The following SCN2A variants were observed in gnomAD, a reference collection of about 807,000 sequenced individuals.
The protein encoded by SCN2A is sodium channel protein type 2 subunit alpha.
A neutral mutation model predicts 188.7 loss-of-function variants in SCN2A; 20 were observed. That is an observed-to-expected ratio of 0.11 (90% CI 0.07 to 0.15). The LOEUF (loss-of-function observed/expected upper bound fraction) is 0.15, where lower values mean the gene tolerates loss of function less well. SCN2A is among the 10% of genes least tolerant of loss of function. SCN2A has a pLI of 1.00. For missense variants in SCN2A, 1,278 were observed against 2,445.0 expected (o/e 0.52, Z 10.07); for synonymous variants, 804 against 833.1 (o/e 0.97, Z 0.60).
chr2:165,324,629 T>C (rs995108622), intron 12 of SCN2A, among the ~76,000 whole-genome samples: 3 of 152,080 alleles, frequency 2.0e-5, no homozygotes, highest in Non-Finnish European at 4.4e-5. Flanking sequence ...TAGATAACCA[T>C]GTACCAGACA....
intron 11 of SCN2A, among the ~76,000 whole-genome samples, chr2:165,317,527 A>G (rs1007684508): frequency 6.6e-6 from 1 of 152,154 alleles, no homozygotes. Context: ...TTGAAACTTC[A>G]TATCAACTTC....
chr2:165,246,718 T>C (rs768751962), intron 1 of SCN2A, among the ~76,000 whole-genome samples: 14 of 152,160 alleles, frequency 9.2e-5, no homozygotes, highest in Non-Finnish European at 1.9e-4. Flanking sequence ...CATCCTCATA[T>C]TCAGTTCCCA....
intron 25 of SCN2A, among the ~76,000 whole-genome samples, chr2:165,383,030 A>G (rs1701685435): frequency 6.6e-6 from 1 of 152,170 alleles, no homozygotes; most frequent in African/African-American, 2.4e-5. Context: ...GAATATTATC[A>G]GTGTCAATTT....
At chr2:165,309,100 T>TA in intron 5 of SCN2A, 9 of 1,551,528 alleles carry the variant, frequency 5.8e-6, no homozygotes, top group Non-Finnish European at 8.0e-6. Context: ...AAAAAGGTCT[T>TA]GATGAAAGAC....
At chr2:165,321,473 T>C (rs1698073201) in intron 11 of SCN2A, among the ~76,000 whole-genome samples, 1 of 152,186 alleles carries the variant, frequency 6.6e-6, no homozygotes, top group Admixed American at 6.5e-5. Flanking sequence ...TATTAATCTG[T>C]TTTCATGCTG....
In SCN2A at chr2:165,291,599, CTT is replaced by C. The variant is rs869136083; in HGVS notation, c.-51-4172_-51-4171del. Among the ~76,000 whole-genome samples, 300 of 90,566 alleles carry C rather than the reference CTT, an allele frequency of 3.3e-3. 6 individuals carry two copies. Among genetic ancestry groups the C allele is most frequent in the Non-Finnish European group, 3.0e-3 (115 of 38,158 alleles). The allele number at this position is 90,566 out of a possible 152,430, so 59.4% of individuals were successfully genotyped here. On this transcript the variant is annotated intron_variant, in intron 1 of 26. Coordinates refer to ENST00000375437, the MANE Select transcript of SCN2A (RefSeq NM_001040142.2). ...TTTCTCTCTCTCTCTCTCTCTCTCT[CTT>C]TCTTTCTTTGTCTTGCTCTATCTCC...
intron 17 of SCN2A, among the ~76,000 whole-genome samples, chr2:165,357,254 A>G (rs534204314): frequency 1.3e-5 from 2 of 152,310 alleles, no homozygotes; most frequent in East Asian, 3.9e-4. Flanking sequence ...CTCGCATTTG[A>G]AATAGCATTT....
chr2:165,323,512 T>C lies in SCN2A; in HGVS notation c.2016+12T>C. On this transcript the variant is annotated intron_variant, in intron 12 of 26. Coordinates refer to ENST00000375437, the MANE Select transcript of SCN2A (RefSeq NM_001040142.2). ...AGCTCCTACCAGAGGTGAGGCCAAT[T>C]AAAATTGCAGCTGATGTGAAGAGAG... 1 of 1,602,926 alleles carries C rather than the reference T, an allele frequency of 6.2e-7. No individual in the cohort carries two copies. Among genetic ancestry groups the C allele is most frequent in the Non-Finnish European group, 8.5e-7 (1 of 1,173,756 alleles).
intron 5 of SCN2A, 75 bp downstream of exon 5, chr2:165,308,869 G>A: frequency 6.4e-7 from 1 of 1,571,080 alleles, no homozygotes; most frequent in East Asian, 2.2e-5. Flanking sequence ...TTTCCTTGGT[G>A]GCTTGCCTTG....
At chr2:165,303,541 C>T (rs1338474563) in intron 3 of SCN2A, among the ~76,000 whole-genome samples, 1 of 152,058 alleles carries the variant, frequency 6.6e-6, no homozygotes, top group African/African-American at 2.4e-5. Context: ...TCCCAAAGTG[C>T]TGGGATTACA....
rs767017457 is a variant in SCN2A, at chr2:165,370,117, G to T, written c.3676-9G>T. ...ATCATAAAATTTAATAGAATTTTTT[G>T]ACTTACAGGCCTTTGAAGATATATA... On this transcript the variant is annotated splice_polypyrimidine_tract_variant and intron_variant, in intron 19 of 26. Transcript: ENST00000375437. The T allele has an allele frequency of 1.2e-5, 19 of 1,611,844 alleles. No homozygotes were observed. In the East Asian group the frequency reaches 2.0e-4, roughly 17 times the overall value.
In SCN2A at chr2:165,338,965, A is replaced by G. The variant is rs562219212; in HGVS notation, c.2389-3331A>G. 2.0e-5 allele frequency among the ~76,000 whole-genome samples: 3 copies of G among 152,340 alleles called. No individual in the cohort carries two copies. The South Asian group carries it at 6.2e-4, about 32-fold the overall frequency. On this transcript the variant is annotated intron_variant, in intron 14 of 26. Coordinates refer to ENST00000375437, the MANE Select transcript of SCN2A (RefSeq NM_001040142.2). ...GCCGGGCGTGGAGGCTCACGCCTGT[A>G]ATCCCAGCACTTTGTGAGGCTGAGG... is the stretch of plus-strand genomic sequence containing the variant.
rs2105402674 is a variant in SCN2A, at chr2:165,388,989, C to T, written c.5183C>T (p.Pro1728Leu). 1 of 1,614,120 alleles carries T rather than the reference C, an allele frequency of 6.2e-7. No individual in the cohort carries two copies. The highest frequency in any genetic ancestry group is 1.1e-5 in the South Asian group (1 of 91,080). The change falls in exon 27 of 27, where the codon CCT becomes CTT. Residue 1728 changes from proline (P) to leucine (L), a missense_variant. This residue lies in a region of SCN2A where 47 missense variants were observed against 109.0 expected (regional missense o/e 0.43). Coordinates refer to ENST00000375437, the MANE Select transcript of SCN2A (RefSeq NM_001040142.2). ...CTAGCACCTATTCTTAATAGTGGAC[C>T]TCCAGACTGTGACCCTGACAAAGAT... ...GLLAPILNSG[P>L]PDCDPDKDHP...
rs1322180654 is a variant in SCN2A at position 165,390,514 on chromosome 2, G to A, written c.*690G>A. ...TCGTATTTTTAAGGTGTCTCATCCA[G>A]AAAAAATTTAATGTGCCTGTAAATG... On this transcript the variant is annotated 3_prime_UTR_variant, in exon 27 of 27. Coordinates refer to ENST00000375437, the MANE Select transcript of SCN2A (RefSeq NM_001040142.2). 3 of 152,522 alleles carry A rather than the reference G, an allele frequency of 2.0e-5. No homozygotes were observed. The East Asian group carries it at 5.8e-4, about 29-fold the overall frequency. 9.4% of individuals were successfully genotyped at this position (152,522 alleles called of 1,614,324 possible). A position where few individuals can be genotyped will look rare whatever the true frequency, so the allele number is the denominator to read the frequency against.
chr2:165,265,351 T>G (rs1020992604), intron 1 of SCN2A, among the ~76,000 whole-genome samples: 2 of 132,398 alleles, frequency 1.5e-5, no homozygotes, highest in Admixed American at 7.5e-5. Flanking sequence ...TGTTTGTTTG[T>G]TTTTTTTTCT....
At chr2:165,319,351 TA>T (rs1041933139) in intron 11 of SCN2A, among the ~76,000 whole-genome samples, 31 of 150,292 alleles carry the variant, frequency 2.1e-4, no homozygotes, top group Non-Finnish European at 2.8e-4. Context: ...AATAAATAAA[TA>T]AAAAAAAAGA....
intron 14 of SCN2A, among the ~76,000 whole-genome samples, chr2:165,335,499 T>C (rs1698942275): frequency 1.3e-5 from 2 of 151,866 alleles, no homozygotes; most frequent in South Asian, 4.1e-4. Context: ...ACAATTTTAT[T>C]AAGGAAAGAA....
In SCN2A at chr2:165,310,605, A is replaced by G. The variant is rs1388671149; in HGVS notation, c.970+10A>G. Reference sequence around the variant, plus strand: ...TATATTGAGGATAAAAGTAAGATATACTCTATAAACCATTAAGTTGTTTAG... The same window carrying G: ...TATATTGAGGATAAAAGTAAGATATGCTCTATAAACCATTAAGTTGTTTAG... On this transcript the variant is annotated intron_variant, in intron 7 of 26. Coordinates refer to ENST00000375437, the MANE Select transcript of SCN2A (RefSeq NM_001040142.2). 1.3e-6 allele frequency: 2 copies of G among 1,594,818 alleles called. No individual in the cohort carries two copies. The highest frequency in any genetic ancestry group is 1.7e-6 in the Non-Finnish European group (2 of 1,164,512).
At chr2:165,300,584 A>G (rs570714090) in intron 3 of SCN2A, among the ~76,000 whole-genome samples, 1 of 152,300 alleles carries the variant, frequency 6.6e-6, no homozygotes, top group South Asian at 2.1e-4. Flanking sequence ...ATCTAGGGAT[A>G]AAGTCAGTTC....
Sources: gnomAD v4.1 joint callset for allele counts (sites outside exome capture counted in the v4.1 genomes callset) on GRCh38, gnomAD v4.1.1 for gene constraint, gnomAD v4.1.1 regional missense constraint, MANE v1.5 for transcripts, NCBI Gene and HGNC (gene_info 2026-07-23, HGNC 2026-07-21) for gene names.